IQGAP2: variants seen among roughly 807,000 people sequenced by gnomAD.
IQGAP2 encodes the protein ras GTPase-activating-like protein IQGAP2.
Under a neutral mutation model 201.3 loss-of-function variants are expected in IQGAP2, and 173 were observed. The observed-to-expected ratio is 0.86, with a 90% CI of 0.76 to 0.98. The LOEUF is 0.98. Ranked by LOEUF, IQGAP2 falls within the 50% of genes least tolerant of loss-of-function variation. The probability of loss-of-function intolerance (pLI) is 0.00; values close to 1 mark genes in which losing one functional copy is unlikely to be tolerated. For synonymous variants in IQGAP2, 675 were observed against 673.9 expected (o/e 1.00, Z -0.03); for missense variants, 1,687 against 1,864.8 (o/e 0.90, Z 1.76).
intron 4 of IQGAP2, 128 bp downstream of exon 4, chr5:76,570,785 A>T (rs1231931297): frequency 4.4e-6 from 3 of 682,796 alleles, no homozygotes. Flanking sequence ...AGGACTAAAA[A>T]ACATGGAAAG....
chr5:76,686,929 A>T, intron 30 of IQGAP2, among the ~76,000 whole-genome samples: 1 of 152,186 alleles, frequency 6.6e-6, no homozygotes, highest in East Asian at 1.9e-4. Context: ...CAATACATGT[A>T]TGGCTTTATT....
intron 12 of IQGAP2, among the ~76,000 whole-genome samples, chr5:76,609,499 T>C (rs1748087307): frequency 6.6e-6 from 1 of 152,212 alleles, no homozygotes. Context: ...CAGGTAAATC[T>C]TTTCATTCTT....
At position 76,707,536 on chromosome 5, in the gene IQGAP2, T is replaced by C; in HGVS notation, c.*223T>C. On this transcript the variant is annotated 3_prime_UTR_variant, in exon 36 of 36. Coordinates refer to ENST00000274364, the MANE Select transcript of IQGAP2 (RefSeq NM_006633.5). Reference sequence around the variant, plus strand: ...AATTAATGGAAACATATCCACACTGTACTGTGATATAGGTACTCTGATTTA... The same window carrying C: ...AATTAATGGAAACATATCCACACTGCACTGTGATATAGGTACTCTGATTTA... 1 of 481,144 alleles carries C rather than the reference T, an allele frequency of 2.1e-6. No individual in the cohort carries two copies. Among genetic ancestry groups the C allele is most frequent in the Non-Finnish European group, 3.7e-6 (1 of 271,722 alleles). 29.8% of individuals were successfully genotyped at this position (481,144 alleles called of 1,614,324 possible). A position where few individuals can be genotyped will look rare whatever the true frequency, so the allele number is the denominator to read the frequency against.
At chr5:76,551,682 G>C (rs1332734393) in intron 2 of IQGAP2, among the ~76,000 whole-genome samples, 1 of 151,872 alleles carries the variant, frequency 6.6e-6, no homozygotes, top group South Asian at 2.1e-4. Context: ...GCGAAACCCC[G>C]TCTCCACCAA....
intron 13 of IQGAP2, among the ~76,000 whole-genome samples, chr5:76,625,165 C>T (rs1750106803): frequency 6.6e-6 from 1 of 152,108 alleles, no homozygotes; most frequent in Non-Finnish European, 1.5e-5. Context: ...TAATTTAAAC[C>T]GTTGACTTAA....
intron 22 of IQGAP2, among the ~76,000 whole-genome samples, chr5:76,666,335 TA>T (rs1252791802): frequency 6.6e-6 from 1 of 152,200 alleles, no homozygotes; most frequent in Admixed American, 6.5e-5. Flanking sequence ...CTGCCTAATT[TA>T]GTAGTCAACC....
At chr5:76,645,212 G>C (rs1321485754) in intron 17 of IQGAP2, among the ~76,000 whole-genome samples, 1 of 151,456 alleles carries the variant, frequency 6.6e-6, no homozygotes, top group Non-Finnish European at 1.5e-5. Flanking sequence ...GTATTCCATG[G>C]TGTATGTGTG....
intron 12 of IQGAP2, chr5:76,609,034 A>G (rs1580588135): frequency 5.5e-6 from 8 of 1,460,828 alleles, no homozygotes; most frequent in Middle Eastern, 3.5e-4. Flanking sequence ...AGTGATGCAT[A>G]TGTTCCCAGA....
In IQGAP2 at chr5:76,553,090, C is replaced by T. The variant is rs114859917; in HGVS notation, c.147-9306C>T. On this transcript the variant is annotated intron_variant, in intron 2 of 35. Coordinates refer to ENST00000274364, the MANE Select transcript of IQGAP2 (RefSeq NM_006633.5). ...TTTGCAGGGTGGGTTCCTACAGCCACGTTCCCCTGGGCTAATAAGGCTAAT... is the reference window on the plus strand; with the variant it reads ...TTTGCAGGGTGGGTTCCTACAGCCATGTTCCCCTGGGCTAATAAGGCTAAT... Among the ~76,000 whole-genome samples, 199 of 152,268 alleles carry T rather than the reference C, an allele frequency of 1.3e-3. 1 individual carries two copies. The highest frequency in any genetic ancestry group is 4.5e-3 in the African/African-American group (186 of 41,546).
intron 11 of IQGAP2, among the ~76,000 whole-genome samples, chr5:76,603,766 A>C (rs1747597925): frequency 6.6e-6 from 1 of 152,126 alleles, no homozygotes; most frequent in Admixed American, 6.5e-5. Context: ...TGGATTACTG[A>C]TCTTCTCAGA....
chr5:76,609,164 A>G, intron 12 of IQGAP2: 1 of 1,535,958 alleles, frequency 6.5e-7, no homozygotes, highest in Non-Finnish European at 8.7e-7. Flanking sequence ...GTCAGCTGAA[A>G]TGCACTCACT....
chr5:76,648,559 A>T (rs1752268066), intron 17 of IQGAP2, among the ~76,000 whole-genome samples: 1 of 152,226 alleles, frequency 6.6e-6, no homozygotes, highest in Non-Finnish European at 1.5e-5. Context: ...AGGTGCCCAC[A>T]CAGAAATGAC....
chr5:76,647,616 T>G (rs1468128603), intron 17 of IQGAP2, among the ~76,000 whole-genome samples: 1 of 152,138 alleles, frequency 6.6e-6, no homozygotes, highest in Non-Finnish European at 1.5e-5. Flanking sequence ...CCACCATGAT[T>G]GTGAGGCCTC....
intron 2 of IQGAP2, among the ~76,000 whole-genome samples, chr5:76,561,236 A>AG (rs1744343134): frequency 1.3e-5 from 2 of 152,284 alleles, no homozygotes; most frequent in African/African-American, 4.8e-5. Context: ...ACCTTGGATA[A>AG]GGGGGGTCTA....
intron 21 of IQGAP2, among the ~76,000 whole-genome samples, chr5:76,663,710 A>ATTTG (rs10658053): frequency 0.84 from 127,651 of 151,802 alleles, 53,759 homozygotes; most frequent in East Asian, 0.91. Flanking sequence ...TATTTTTAAA[A>ATTTG]TTTGTAGAGA....
chr5:76,445,130 G>A (rs999946788), intron 1 of IQGAP2, among the ~76,000 whole-genome samples: 2 of 152,174 alleles, frequency 1.3e-5, no homozygotes, highest in Non-Finnish European at 2.9e-5. Flanking sequence ...CCAGTGGCAT[G>A]TGAGCAATAG....
At chr5:76,615,822 G>C (rs1269436720) in intron 13 of IQGAP2, 2 of 152,454 alleles carry the variant, frequency 1.3e-5, no homozygotes, top group Non-Finnish European at 2.9e-5. Flanking sequence ...AATAGTGGAG[G>C]CATTATTTAA....
At chr5:76,531,579 T>C (rs1166439702) in intron 2 of IQGAP2, among the ~76,000 whole-genome samples, 2 of 152,216 alleles carry the variant, frequency 1.3e-5, no homozygotes, top group Non-Finnish European at 2.9e-5. Flanking sequence ...CACTGCTGCA[T>C]TGGGGATTAA....
intron 17 of IQGAP2, among the ~76,000 whole-genome samples, chr5:76,641,545 T>C (rs1751584068): frequency 2.0e-5 from 3 of 152,222 alleles, no homozygotes; most frequent in African/African-American, 4.8e-5. Flanking sequence ...GAATGTCTTC[T>C]ACCTTCTGTA....
Sources: allele counts gnomAD v4.1 joint callset (sites outside exome capture counted in the v4.1 genomes callset), GRCh38; gene constraint gnomAD v4.1.1; transcripts MANE v1.5; gene names NCBI Gene and HGNC (gene_info 2026-07-23, HGNC 2026-07-21).